EPM2A: variants seen among roughly 807,000 people sequenced by gnomAD.
EPM2A encodes laforin.
A neutral mutation model predicts 26.5 loss-of-function variants in EPM2A; 21 were observed. That is an observed-to-expected ratio of 0.79 (90% CI 0.56 to 1.14). EPM2A has a LOEUF of 1.14. EPM2A is among the 50% of genes most tolerant of loss of function. The probability of loss-of-function intolerance (pLI) is 0.00; values close to 1 mark genes in which losing one functional copy is unlikely to be tolerated. For missense variants in EPM2A, 458 were observed against 440.8 expected, an observed-to-expected ratio of 1.04 and a Z score of -0.35; for synonymous variants, 217 against 177.6, an observed-to-expected ratio of 1.22 and a Z score of -1.76.
At chr6:145,715,209 A>C (rs1775548591) in intron 1 of EPM2A, among the ~76,000 whole-genome samples, 1 of 152,170 alleles carries the variant, frequency 6.6e-6, no homozygotes, top group Non-Finnish European at 1.5e-5. Context: ...GTTCAGGATC[A>C]AGGGTGGCCA....
At chr6:145,384,995 C>G (rs887182774) in intron 4 of EPM2A, among the ~76,000 whole-genome samples, 4 of 147,718 alleles carry the variant, frequency 2.7e-5, no homozygotes, top group African/African-American at 1.0e-4. Context: ...TACTAAACTA[C>G]TGTCAATAAT....
intron 4 of EPM2A, among the ~76,000 whole-genome samples, chr6:145,428,318 ATC>A (rs1778878366): frequency 1.3e-5 from 2 of 152,018 alleles, no homozygotes; most frequent in Admixed American, 6.5e-5. Flanking sequence ...TGATTTTTGA[ATC>A]TGTCTTTCTC....
intron 2 of EPM2A, among the ~76,000 whole-genome samples, chr6:145,527,528 C>CA (rs1780292657): frequency 6.6e-6 from 1 of 152,052 alleles, no homozygotes; most frequent in Non-Finnish European, 1.5e-5. Flanking sequence ...AATCCTTTAT[C>CA]ATTATATAAT....
chr6:145,533,645 C>T (rs999480910), intron 2 of EPM2A, among the ~76,000 whole-genome samples: 5 of 152,090 alleles, frequency 3.3e-5, no homozygotes, highest in African/African-American at 1.2e-4. Context: ...CAGTACTCCA[C>T]CCTCAACCTC....
At chr6:145,694,392 C>T (rs1328028671) in intron 1 of EPM2A, among the ~76,000 whole-genome samples, 4 of 151,958 alleles carry the variant, frequency 2.6e-5, no homozygotes, top group Non-Finnish European at 4.4e-5. Context: ...AGAAATAAAA[C>T]GCACAAAAAA....
chr6:145,618,460 C>T (rs1349997750), intron 2 of EPM2A, among the ~76,000 whole-genome samples: 1 of 152,124 alleles, frequency 6.6e-6, no homozygotes, highest in East Asian at 1.9e-4. Context: ...AATTGTAGTT[C>T]CCATAATCCC....
intron 4 of EPM2A, among the ~76,000 whole-genome samples, chr6:145,419,926 G>C (rs1294152649): frequency 6.6e-6 from 1 of 152,012 alleles, no homozygotes; most frequent in African/African-American, 2.4e-5. Context: ...ATATTTTAAA[G>C]AAATATTGAA....
chr6:145,573,923 T>A (rs1376026503), intron 2 of EPM2A, among the ~76,000 whole-genome samples: 1 of 152,194 alleles, frequency 6.6e-6, no homozygotes, highest in Non-Finnish European at 1.5e-5. Context: ...TCCCCTGGAA[T>A]CAATGTCAGC....
chr6:145,561,388 T>G (rs1294625704), intron 2 of EPM2A, among the ~76,000 whole-genome samples: 1 of 152,172 alleles, frequency 6.6e-6, no homozygotes, highest in Non-Finnish European at 1.5e-5. Flanking sequence ...TCCCCATTTC[T>G]AGGTAGCTCG....
At chr6:145,485,452 A>G (rs1779659657) in intron 4 of EPM2A, among the ~76,000 whole-genome samples, 2 of 152,060 alleles carry the variant, frequency 1.3e-5, no homozygotes, top group African/African-American at 4.8e-5. Context: ...CTTGGCCTTT[A>G]CTGGCAGGGG....
chr6:145,586,558 A>AT (rs762670574), intron 2 of EPM2A, among the ~76,000 whole-genome samples: 2 of 152,226 alleles, frequency 1.3e-5, no homozygotes, highest in Non-Finnish European at 1.5e-5. Context: ...CAAGGTATCT[A>AT]TTTTTTTGAG....
intron 1 of EPM2A, chr6:145,705,487 CT>C: frequency 2.3e-6 from 1 of 444,142 alleles, no homozygotes; most frequent in Non-Finnish European, 4.5e-6. Context: ...CCAGAGAGGT[CT>C]AGGCTGCAGT....
chr6:145,403,886 G>A (rs1399950374), intron 4 of EPM2A, among the ~76,000 whole-genome samples: 1 of 152,114 alleles, frequency 6.6e-6, no homozygotes, highest in Non-Finnish European at 1.5e-5. Flanking sequence ...CACCAACAGT[G>A]TACGAGGGTT....
intron 2 of EPM2A, among the ~76,000 whole-genome samples, chr6:145,551,662 G>A (rs1264452237): frequency 6.6e-6 from 1 of 151,982 alleles, no homozygotes; most frequent in African/African-American, 2.4e-5. Flanking sequence ...TCACTCAGAA[G>A]AGACTGGCAG....
At chr6:145,451,560 T>G (rs1294480057) in intron 4 of EPM2A, among the ~76,000 whole-genome samples, 4 of 152,216 alleles carry the variant, frequency 2.6e-5, no homozygotes, top group African/African-American at 9.6e-5. Flanking sequence ...ATTCTTCAAT[T>G]AAAACAATAT....
intron 4 of EPM2A, among the ~76,000 whole-genome samples, chr6:145,441,624 GA>G (rs199814542): frequency 0.01 from 1,564 of 152,266 alleles, 18 homozygotes; most frequent in African/African-American, 0.022. Context: ...AGCACCCTGG[GA>G]GGCTGAGGCA....
At chr6:145,569,816 G>C (rs1213197114) in intron 2 of EPM2A, among the ~76,000 whole-genome samples, 3 of 151,976 alleles carry the variant, frequency 2.0e-5, no homozygotes, top group African/African-American at 7.3e-5. Context: ...TAGTGTATTA[G>C]TCAGGGTTAT....
At chr6:145,448,514 C>T (rs1779153214) in intron 4 of EPM2A, among the ~76,000 whole-genome samples, 1 of 152,146 alleles carries the variant, frequency 6.6e-6, no homozygotes, top group Non-Finnish European at 1.5e-5. Flanking sequence ...CAAACAATAA[C>T]ATCTAACTTG....
chr6:145,546,184 G>A (rs1037049464), intron 2 of EPM2A, among the ~76,000 whole-genome samples: 1 of 152,140 alleles, frequency 6.6e-6, no homozygotes, highest in African/African-American at 2.4e-5. Context: ...GAGAAACAGG[G>A]ATGCCTACAC....
Sources: gnomAD v4.1 joint callset for allele counts (sites outside exome capture counted in the v4.1 genomes callset) on GRCh38, gnomAD v4.1.1 for gene constraint, MANE v1.5 for transcripts, NCBI Gene and HGNC (gene_info 2026-07-23, HGNC 2026-07-21) for gene names.